Variants in MTHFD2L observed in about 807,000 individuals in gnomAD.
MTHFD2L encodes bifunctional methylenetetrahydrofolate dehydrogenase/cyclohydrolase 2, mitochondrial.
In MTHFD2L, 29 loss-of-function variants were observed where a neutral mutation model predicts 34.9. The ratio of observed to expected loss-of-function variants is 0.83; its 90% CI spans 0.62 to 1.13. MTHFD2L has a LOEUF of 1.13. Ranked by LOEUF, MTHFD2L falls within the 50% of genes most tolerant of loss-of-function variation. The probability of loss-of-function intolerance (pLI) is 0.00; values close to 1 mark genes in which losing one functional copy is unlikely to be tolerated. For missense variants in MTHFD2L, 481 were observed against 446.5 expected, an observed-to-expected ratio of 1.08 and a Z score of -0.70; for synonymous variants, 167 against 155.7, an observed-to-expected ratio of 1.07 and a Z score of -0.54.
At chr4:74,178,100 G>C (rs935476246) in intron 3 of MTHFD2L, among the ~76,000 whole-genome samples, 1 of 151,890 alleles carries the variant, frequency 6.6e-6, no homozygotes, top group Admixed American at 6.6e-5. Flanking sequence ...GACTGGAGAG[G>C]GGATTGTGGA....
At position 74,188,419 on chromosome 4, in the gene MTHFD2L, T is replaced by C. The variant is rs80293774; in HGVS notation, c.452-11375T>C. Reference sequence around the variant, plus strand: ...CTCTTCTTATAAGGACACTAAATCATATCACAAGGGCCCTACCCTCATGAA... The same window carrying C: ...CTCTTCTTATAAGGACACTAAATCACATCACAAGGGCCCTACCCTCATGAA... On this transcript the variant is annotated intron_variant, in intron 3 of 7. Transcript: ENST00000325278. 9.5e-4 allele frequency among the ~76,000 whole-genome samples: 144 copies of C among 152,278 alleles called. 3 individuals are homozygous for C. In the East Asian group the frequency reaches 0.023, roughly 24 times the overall value.
intron 5 of MTHFD2L, among the ~76,000 whole-genome samples, chr4:74,218,903 C>T (rs929411425): frequency 6.6e-6 from 1 of 151,890 alleles, no homozygotes; most frequent in African/African-American, 2.4e-5. Flanking sequence ...AGTACAGAAG[C>T]CCTCTGTATC....
At chr4:74,132,252 G>T (rs1181478819) in intron 1 of MTHFD2L, among the ~76,000 whole-genome samples, 2 of 152,114 alleles carry the variant, frequency 1.3e-5, no homozygotes, top group East Asian at 3.9e-4. Flanking sequence ...TATACCCAAA[G>T]GATTATAAAT....
In MTHFD2L at chr4:74,125,518, G is replaced by A. The variant is rs1437303608; in HGVS notation, c.-297+1G>A. 6.6e-6 allele frequency: 1 copy of A among 152,248 alleles called. No homozygotes were observed. The highest frequency in any genetic ancestry group is 2.4e-5 in the African/African-American group (1 of 41,558). The allele number at this position is 152,248 out of a possible 1,614,324, so 9.4% of individuals were successfully genotyped here. A position where few individuals can be genotyped will look rare whatever the true frequency, so the allele number is the denominator to read the frequency against. ...AGGTTGTGCAGATAGTCTGAAGGAG[G>A]TGAGTTAGTTTTTCCCACTTTCTCA... On this transcript the variant is annotated splice_donor_variant, in intron 1 of 7. Transcript: ENST00000433372. LOFTEE classifies it low-confidence loss of function (5UTR_SPLICE).
chr4:74,297,463 C>A (rs1578759126), intron 7 of MTHFD2L, among the ~76,000 whole-genome samples: 1 of 151,970 alleles, frequency 6.6e-6, no homozygotes, highest in East Asian at 1.9e-4. Flanking sequence ...CTGGTATTCC[C>A]TTAAACAGAC....
chr4:74,188,024 C>G (rs1731660005), intron 3 of MTHFD2L, among the ~76,000 whole-genome samples: 1 of 152,118 alleles, frequency 6.6e-6, no homozygotes, highest in Non-Finnish European at 1.5e-5. Flanking sequence ...GAATACTACT[C>G]AGCAATATTA....
intron 7 of MTHFD2L, among the ~76,000 whole-genome samples, chr4:74,289,112 T>G (rs1748560192): frequency 6.6e-6 from 1 of 152,208 alleles, no homozygotes; most frequent in Non-Finnish European, 1.5e-5. Flanking sequence ...AAGTACTTAC[T>G]CACCAGTAGC....
chr4:74,300,133 G>T (rs1160384602), intron 7 of MTHFD2L, among the ~76,000 whole-genome samples: 3 of 152,016 alleles, frequency 2.0e-5, no homozygotes, highest in African/African-American at 7.2e-5. Context: ...GCAATGGAAA[G>T]GTTGTGCTTT....
intron 6 of MTHFD2L, among the ~76,000 whole-genome samples, chr4:74,240,302 G>C (rs559732564): frequency 6.6e-6 from 1 of 152,194 alleles, no homozygotes; most frequent in Admixed American, 6.5e-5. Flanking sequence ...TGGGAGACAA[G>C]CTTGTTAACT....
chr4:74,285,185 T>C (rs1748010167), intron 7 of MTHFD2L, among the ~76,000 whole-genome samples: 1 of 150,964 alleles, frequency 6.6e-6, no homozygotes. Context: ...CACCGGGGCC[T>C]GTTGTGGGGT....
intron 3 of MTHFD2L, among the ~76,000 whole-genome samples, chr4:74,187,794 T>G (rs2110009066): frequency 8.1e-6 from 1 of 122,956 alleles, no homozygotes; most frequent in African/African-American, 4.1e-5. Flanking sequence ...TCTGTGCCTG[T>G]GTATTTACAC....
rs555532975 is a variant in MTHFD2L at position 74,213,553 on chromosome 4, C to T, written c.713-11749C>T. 4.6e-5 allele frequency among the ~76,000 whole-genome samples: 7 copies of T among 152,280 alleles called. No individual in the cohort carries two copies. The South Asian group carries it at 1.2e-3, about 27-fold the overall frequency. ...TACTCTCTTCTGGCCTGTAGTGTTT[C>T]TGCAGAGAGATCTGTTGTTAGTCTG... On this transcript the variant is annotated intron_variant, in intron 5 of 7. Transcript: ENST00000325278.
chr4:74,269,445 G>A lies in MTHFD2L; in HGVS notation c.806-11980G>A, dbSNP rs1745693214. Among the ~76,000 whole-genome samples the A allele has an allele frequency of 2.0e-5, 3 of 151,976 alleles. No homozygotes were observed. In the South Asian group the frequency reaches 6.2e-4, roughly 32 times the overall value. On this transcript the variant is annotated intron_variant, in intron 6 of 7. Transcript: ENST00000325278. ...TATTGAAAACTCAGATAACTAATAT[G>A]GGAGTTTTGAAAACTGCTAAATATC... is the stretch of plus-strand genomic sequence containing the variant.
intron 6 of MTHFD2L, among the ~76,000 whole-genome samples, chr4:74,260,573 A>G (rs1744551778): frequency 6.6e-6 from 1 of 152,154 alleles, no homozygotes; most frequent in Non-Finnish European, 1.5e-5. Flanking sequence ...AATGACATAA[A>G]TACTAGATAG....
chr4:74,252,071 A>C (rs1211780603), intron 6 of MTHFD2L, among the ~76,000 whole-genome samples: 1 of 152,226 alleles, frequency 6.6e-6, no homozygotes. Flanking sequence ...CCATGTCTGC[A>C]CAACTTGTAT....
intron 2 of MTHFD2L, chr4:74,114,713 T>A (rs1230946801): frequency 1.3e-5 from 2 of 152,128 alleles, no homozygotes; most frequent in African/African-American, 4.8e-5. Flanking sequence ...AGCTCCAAAC[T>A]CTCTCACAAA....
At chr4:74,143,486 G>A in intron 1 of MTHFD2L, 2 of 976,734 alleles carry the variant, frequency 2.0e-6, no homozygotes, top group Non-Finnish European at 2.4e-6. Context: ...AACTGTCTCA[G>A]GGGCCATGGA....
chr4:74,231,124 A>G (rs1295149864), intron 6 of MTHFD2L, among the ~76,000 whole-genome samples: 1 of 152,188 alleles, frequency 6.6e-6, no homozygotes, highest in Non-Finnish European at 1.5e-5. Flanking sequence ...GACAGATACC[A>G]TGATATAAAA....
At chr4:74,186,438 G>GGAAAAAAAAAAAAAAAAAAAAAAA (rs374452148) in intron 3 of MTHFD2L, among the ~76,000 whole-genome samples, 1 of 88,192 alleles carries the variant, frequency 1.1e-5, no homozygotes, top group African/African-American at 4.4e-5. Flanking sequence ...GGGAATCCAT[G>GGAAAAAAAAAAAAAAAAAAAAAAA]AAAAAAAAAA....
Sources: allele counts gnomAD v4.1 joint callset (sites outside exome capture counted in the v4.1 genomes callset), GRCh38; gene constraint gnomAD v4.1.1; transcripts MANE v1.5; gene names NCBI Gene and HGNC (gene_info 2026-07-23, HGNC 2026-07-21).